XKR4: variants seen among roughly 807,000 people sequenced by gnomAD.
XKR4 encodes the protein XK related 4.
XKR4 carries 12 observed loss-of-function variants against 53.9 expected under a neutral mutation model. The ratio of observed to expected loss-of-function variants is 0.22; its 90% CI spans 0.14 to 0.36. XKR4 has a LOEUF of 0.36. Among genes scored for constraint, XKR4 ranks in the 10% least tolerant of loss-of-function variants. The probability of loss-of-function intolerance (pLI) is 1.00; values close to 1 mark genes in which losing one functional copy is unlikely to be tolerated. For missense variants in XKR4, 799 were observed against 859.5 expected, an observed-to-expected ratio of 0.93 and a Z score of 0.88; for synonymous variants, 354 against 362.4, an observed-to-expected ratio of 0.98 and a Z score of 0.26.
chr8:55,527,549 T>G lies in XKR4; in HGVS notation c.*3322T>G, dbSNP rs187985718. 2.0e-5 allele frequency: 3 copies of G among 152,244 alleles called. No individual in the cohort carries two copies. The highest frequency in any genetic ancestry group is 6.5e-5 in the Admixed American group (1 of 15,282). 9.4% of individuals were successfully genotyped at this position (152,244 alleles called of 1,614,324 possible). A position where few individuals can be genotyped will look rare whatever the true frequency, so the allele number is the denominator to read the frequency against. Reference sequence around the variant, plus strand: ...ACCATAGTGACACTTTAAGTGTTTGTGTGAAAGAAAAGGAAATAATTTTTC... The same window carrying G: ...ACCATAGTGACACTTTAAGTGTTTGGGTGAAAGAAAAGGAAATAATTTTTC... On this transcript the variant is annotated 3_prime_UTR_variant, in exon 3 of 3. Coordinates refer to ENST00000327381, the MANE Select transcript of XKR4 (RefSeq NM_052898.2).
At chr8:55,131,452 A>G (rs1342377138) in intron 1 of XKR4, among the ~76,000 whole-genome samples, 1 of 152,200 alleles carries the variant, frequency 6.6e-6, no homozygotes, top group Non-Finnish European at 1.5e-5. Context: ...ACAGTGGAGC[A>G]TACATCTAAT....
At chr8:55,394,554 G>T (rs1375338411) in intron 2 of XKR4, among the ~76,000 whole-genome samples, 1 of 152,150 alleles carries the variant, frequency 6.6e-6, no homozygotes, top group South Asian at 2.1e-4. Context: ...CATTGATGGA[G>T]GGTATGGGCA....
At chr8:55,379,419 G>A (rs1309849046) in intron 2 of XKR4, among the ~76,000 whole-genome samples, 1 of 152,184 alleles carries the variant, frequency 6.6e-6, no homozygotes, top group Non-Finnish European at 1.5e-5. Flanking sequence ...TCAAAGAAAT[G>A]CTCTTTTTAG....
intron 1 of XKR4, among the ~76,000 whole-genome samples, chr8:55,294,549 A>G (rs1819075604): frequency 6.6e-6 from 1 of 152,178 alleles, no homozygotes; most frequent in East Asian, 1.9e-4. Flanking sequence ...ACGTTAATAG[A>G]CAACATCTCG....
chr8:55,185,529 C>T (rs1817363978), intron 1 of XKR4, among the ~76,000 whole-genome samples: 1 of 152,136 alleles, frequency 6.6e-6, no homozygotes, highest in South Asian at 2.1e-4. Flanking sequence ...GGCCTTCTTG[C>T]TAGCATACCT....
intron 1 of XKR4, among the ~76,000 whole-genome samples, chr8:55,270,281 T>A (rs1247161256): frequency 6.6e-6 from 1 of 152,188 alleles, no homozygotes; most frequent in Non-Finnish European, 1.5e-5. Flanking sequence ...CTGCTATGAC[T>A]CACTGTCTTC....
chr8:55,146,865 T>A (rs1407945392), intron 1 of XKR4, among the ~76,000 whole-genome samples: 3 of 152,204 alleles, frequency 2.0e-5, no homozygotes, highest in African/African-American at 7.2e-5. Flanking sequence ...TTGATACAGA[T>A]GCCCTTTGGG....
chr8:55,379,189 C>T (rs892040596), intron 2 of XKR4, among the ~76,000 whole-genome samples: 13 of 152,176 alleles, frequency 8.5e-5, no homozygotes, highest in Non-Finnish European at 1.8e-4. Flanking sequence ...ACACTCTTCT[C>T]TCTGTCAGCT....
chr8:55,295,706 C>CT (rs1819091810), intron 1 of XKR4, among the ~76,000 whole-genome samples: 1 of 152,154 alleles, frequency 6.6e-6, no homozygotes, highest in Non-Finnish European at 1.5e-5. Context: ...TTTCAAGCTT[C>CT]TTTTTGGCTA....
At chr8:55,450,746 G>A (rs1029820896) in intron 2 of XKR4, 5 of 581,246 alleles carry the variant, frequency 8.6e-6, no homozygotes, top group Non-Finnish European at 1.6e-5. Context: ...TCCACCAGCA[G>A]GTGGAACCCC....
At chr8:55,480,304 A>T (rs2129401091) in intron 2 of XKR4, among the ~76,000 whole-genome samples, 1 of 151,634 alleles carries the variant, frequency 6.6e-6, no homozygotes, top group Non-Finnish European at 1.5e-5. Context: ...CAAAAACCAC[A>T]TGATTATCTC....
chr8:55,452,170 G>T, intron 2 of XKR4: 1 of 725,770 alleles, frequency 1.4e-6, no homozygotes. Context: ...TTGCAGAAGA[G>T]CTCGGCACTG....
chr8:55,451,686 G>A, intron 2 of XKR4: 1 of 1,482,474 alleles, frequency 6.7e-7, no homozygotes, highest in Non-Finnish European at 9.3e-7. Context: ...GCAGCCCCGG[G>A]TACCTGCGGT....
chr8:55,370,743 G>T (rs983962671), intron 2 of XKR4, among the ~76,000 whole-genome samples: 2 of 152,110 alleles, frequency 1.3e-5, no homozygotes, highest in Non-Finnish European at 2.9e-5. Flanking sequence ...GCTCCTCCCT[G>T]CCAGGAGCTG....
At chr8:55,186,423 A>G (rs1817377679) in intron 1 of XKR4, among the ~76,000 whole-genome samples, 1 of 152,208 alleles carries the variant, frequency 6.6e-6, no homozygotes, top group South Asian at 2.1e-4. Flanking sequence ...TGGGAGGCCA[A>G]GGAGGGCGGA....
At chr8:55,387,795 G>C (rs1804346168) in intron 2 of XKR4, among the ~76,000 whole-genome samples, 1 of 152,176 alleles carries the variant, frequency 6.6e-6, no homozygotes, top group Admixed American at 6.5e-5. Flanking sequence ...CCAATAGCCT[G>C]TCCCTCTCAG....
chr8:55,416,934 T>C (rs549829580), intron 2 of XKR4, among the ~76,000 whole-genome samples: 2 of 152,332 alleles, frequency 1.3e-5, no homozygotes, highest in African/African-American at 4.8e-5. Context: ...GAAGTTTTAA[T>C]TGTTTCAAAA....
At position 55,454,668 on chromosome 8, in the gene XKR4, G is replaced by T. The variant is rs560323334; in HGVS notation, c.1007-68613G>T. ...TGCACGTCAGCAGGTTCCCAATTACGTTCCCTGGGAACACATTCAGGCCCT... is the reference window on the plus strand; with the variant it reads ...TGCACGTCAGCAGGTTCCCAATTACTTTCCCTGGGAACACATTCAGGCCCT... On this transcript the variant is annotated intron_variant, in intron 2 of 2. Transcript: ENST00000327381. The T allele has an allele frequency of 1.1e-4, 111 of 968,516 alleles. 3 individuals are homozygous for T. The South Asian group carries it at 1.4e-3, about 12-fold the overall frequency. The allele number at this position is 968,516 out of a possible 1,614,324, so 60.0% of individuals were successfully genotyped here.
chr8:55,458,057 G>T (rs1563356159), intron 2 of XKR4, among the ~76,000 whole-genome samples: 1 of 152,106 alleles, frequency 6.6e-6, no homozygotes, highest in Non-Finnish European at 1.5e-5. Context: ...GTCCTCCCCA[G>T]ATTGATCTAC....
Sources: gnomAD v4.1 joint callset for allele counts (sites outside exome capture counted in the v4.1 genomes callset) on GRCh38, gnomAD v4.1.1 for gene constraint, MANE v1.5 for transcripts, NCBI Gene and HGNC (gene_info 2026-07-23, HGNC 2026-07-21) for gene names.